The following RCAN1 variants were observed in gnomAD, a reference collection of about 807,000 sequenced individuals.
The protein encoded by RCAN1 is regulator of calcineurin 1.
In RCAN1, 11 loss-of-function variants were observed where a neutral mutation model predicts 22.9. The observed-to-expected ratio is 0.48, with a 90% CI of 0.30 to 0.79. The LOEUF is 0.79. Among genes scored for constraint, RCAN1 ranks in the 30% least tolerant of loss-of-function variants. The pLI, the probability that RCAN1 is intolerant of heterozygous loss-of-function variation, is 0.06. For synonymous variants in RCAN1, 136 were observed against 142.3 expected, an observed-to-expected ratio of 0.96 and a Z score of 0.32; for missense variants, 291 against 337.8, an observed-to-expected ratio of 0.86 and a Z score of 1.09.
At position 34,602,299 on chromosome 21, in the gene RCAN1, G is replaced by A. The variant is rs1000157220; in HGVS notation, c.252+12461C>T. Among the ~76,000 whole-genome samples, 7 of 152,114 alleles carry A rather than the reference G, an allele frequency of 4.6e-5. No homozygotes were observed. The East Asian group carries it at 1.3e-3, about 29-fold the overall frequency. On this transcript the variant is annotated intron_variant, in intron 1 of 3. Transcript: ENST00000313806. The stretch of plus-strand genomic sequence containing the variant: ...AATGCAACACAGAATGCTCTGTGCT[G>A]CCTCTGCATAACCACCCCTTTCACT...
chr21:34,533,104 G>A (rs948026417), intron 1 of RCAN1, among the ~76,000 whole-genome samples: 4 of 151,500 alleles, frequency 2.6e-5, no homozygotes, highest in East Asian at 1.9e-4. Context: ...GGGACTACAG[G>A]TGCCCGCCAC....
At chr21:34,557,883 C>T (rs183341417) in intron 1 of RCAN1, among the ~76,000 whole-genome samples, 10 of 152,294 alleles carry the variant, frequency 6.6e-5, no homozygotes, top group Admixed American at 1.3e-4. Context: ...CCTCAAGCCA[C>T]TCTAGGAGAC....
chr21:34,591,236 T>G (rs1195388164), intron 1 of RCAN1, among the ~76,000 whole-genome samples: 1 of 152,128 alleles, frequency 6.6e-6, no homozygotes, highest in Non-Finnish European at 1.5e-5. Flanking sequence ...CTGTCCACAT[T>G]CTGATAGGAA....
chr21:34,557,273 T>G (rs1430984911), intron 1 of RCAN1, among the ~76,000 whole-genome samples: 2 of 152,230 alleles, frequency 1.3e-5, no homozygotes, highest in Non-Finnish European at 2.9e-5. Context: ...CCAGAGCCCC[T>G]GGTAAAGGTA....
intron 2 of RCAN1, 172 bp from the exon 3 acceptor site, chr21:34,521,830 T>C (rs6517237): frequency 0.37 from 222,955 of 597,034 alleles, 43,194 homozygotes; most frequent in East Asian, 0.59. Flanking sequence ...CAAAAGGACA[T>C]ATGAACTCTG....
intron 1 of RCAN1, chr21:34,525,039 T>C (rs1352293442): frequency 6.5e-7 from 1 of 1,545,204 alleles, no homozygotes; most frequent in Non-Finnish European, 8.7e-7. Context: ...AAGAAGGGGA[T>C]GGCGCAGGGT....
intron 1 of RCAN1, among the ~76,000 whole-genome samples, chr21:34,597,737 G>T (rs1490488221): frequency 6.6e-6 from 1 of 151,984 alleles, no homozygotes; most frequent in Non-Finnish European, 1.5e-5. Context: ...TAAACAAGAT[G>T]GAAAAATCAT....
chr21:34,599,261 T>C (rs374542812), intron 1 of RCAN1, among the ~76,000 whole-genome samples: 4 of 152,274 alleles, frequency 2.6e-5, no homozygotes, highest in East Asian at 3.9e-4. Flanking sequence ...TAGGAATAGC[T>C]GGTTGAGTTG....
intron 1 of RCAN1, among the ~76,000 whole-genome samples, chr21:34,595,178 C>T (rs1443959316): frequency 5.9e-5 from 9 of 152,204 alleles, no homozygotes; most frequent in African/African-American, 2.2e-4. Flanking sequence ...AACAAATGCA[C>T]TAAGAGCATT....
chr21:34,564,871 A>G (rs1254136079), intron 1 of RCAN1, among the ~76,000 whole-genome samples: 2 of 152,140 alleles, frequency 1.3e-5, no homozygotes, highest in East Asian at 3.9e-4. Context: ...AAACCTTTAA[A>G]TTTATCAGAA....
At chr21:34,571,373 C>G (rs1275811124) in intron 1 of RCAN1, among the ~76,000 whole-genome samples, 4 of 151,952 alleles carry the variant, frequency 2.6e-5, no homozygotes, top group African/African-American at 2.4e-5. Context: ...GACATACTTG[C>G]AAAATTATCC....
intron 1 of RCAN1, among the ~76,000 whole-genome samples, chr21:34,560,418 C>T (rs576364280): frequency 1.5e-4 from 23 of 152,094 alleles, no homozygotes; most frequent in East Asian, 5.8e-4. Flanking sequence ...CCATCTTTTA[C>T]GCTTAGAACA....
rs960176591 is a variant in RCAN1, at chr21:34,518,703, C to G, written c.587-447G>C. The stretch of plus-strand genomic sequence containing the variant: ...GCTCCTATTTGAGGGTCGCAGTGCA[C>G]GCCCAGGAAGGGCGCCACAGGAGGC... On this transcript the variant is annotated intron_variant, in intron 3 of 3. Coordinates refer to ENST00000313806, the MANE Select transcript of RCAN1 (RefSeq NM_004414.7). The surrounding 1 kb of genome is among the most constrained non-coding windows in gnomAD (Gnocchi z 4.2). Among the ~76,000 whole-genome samples, 3 of 152,190 alleles carry G rather than the reference C, an allele frequency of 2.0e-5. No homozygotes were observed. The highest frequency in any genetic ancestry group is 2.0e-4 in the Admixed American group (3 of 15,290).
At chr21:34,569,010 T>C (rs1245788768) in intron 1 of RCAN1, among the ~76,000 whole-genome samples, 1 of 152,184 alleles carries the variant, frequency 6.6e-6, no homozygotes, top group Non-Finnish European at 1.5e-5. Context: ...CATCAGATCT[T>C]GTGAGACTTA....
rs149335325 is a variant in RCAN1 at position 34,529,881 on chromosome 21, G to A, written c.253-6171C>T. On this transcript the variant is annotated intron_variant, in intron 1 of 3. Coordinates refer to ENST00000313806, the MANE Select transcript of RCAN1 (RefSeq NM_004414.7). ...GGCCAGTCTTTCCTGTGCTATTCTC[G>A]TGATAGTGAATAAGTCTCACGAGAT... 3.6e-3 allele frequency among the ~76,000 whole-genome samples: 547 copies of A among 152,258 alleles called. 3 individuals carry two copies. The highest frequency in any genetic ancestry group is 0.012 in the African/African-American group (515 of 41,542).
chr21:34,608,477 G>A (rs1448815401), intron 1 of RCAN1, among the ~76,000 whole-genome samples: 1 of 152,182 alleles, frequency 6.6e-6, no homozygotes, highest in East Asian at 1.9e-4. Flanking sequence ...AGGGAAGCCT[G>A]CTGCCATGCT....
chr21:34,530,627 T>TTGTTG (rs1568889098), intron 1 of RCAN1, among the ~76,000 whole-genome samples: 66 of 80,074 alleles, frequency 8.2e-4, no homozygotes, highest in African/African-American at 3.4e-3. Context: ...TTTTTTTTTT[T>TTGTTG]TTTTTTTTTT....
chr21:34,537,749 G>A (rs1985736514), intron 1 of RCAN1, among the ~76,000 whole-genome samples: 1 of 152,254 alleles, frequency 6.6e-6, no homozygotes, highest in Non-Finnish European at 1.5e-5. Flanking sequence ...CAGCTCTGGG[G>A]CTCAAGCTGT....
chr21:34,519,536 C>A (rs896666300), intron 3 of RCAN1, among the ~76,000 whole-genome samples: 1 of 151,614 alleles, frequency 6.6e-6, no homozygotes, highest in African/African-American at 2.4e-5. Flanking sequence ...GTAGCTGGGA[C>A]TACAGGCGCA....
Sources: gnomAD v4.1 joint callset for allele counts (sites outside exome capture counted in the v4.1 genomes callset) on GRCh38, gnomAD v4.1.1 for gene constraint, Gnocchi (gnomAD v3.1) non-coding constraint, MANE v1.5 for transcripts, NCBI Gene and HGNC (gene_info 2026-07-23, HGNC 2026-07-21) for gene names.